Variants in CHST11 observed in about 807,000 individuals in gnomAD.
CHST11 encodes carbohydrate sulfotransferase 11, also known as C4S-1.
Under a neutral mutation model 30.4 loss-of-function variants are expected in CHST11, and 9 were observed. That is an observed-to-expected ratio of 0.30 (90% confidence interval 0.18 to 0.52). The LOEUF is 0.52. Ranked by LOEUF, CHST11 falls within the 20% of genes least tolerant of loss-of-function variation. CHST11 has a pLI of 0.97. For missense variants in CHST11, 348 were observed against 460.6 expected (o/e 0.76, Z 2.24); for synonymous variants, 152 against 187.8 (o/e 0.81, Z 1.56).
intron 2 of CHST11, among the ~76,000 whole-genome samples, chr12:104,694,767 T>C (rs984715669): frequency 2.0e-5 from 3 of 152,190 alleles, no homozygotes; most frequent in Admixed American, 2.0e-4. Context: ...CTGTTCGTGA[T>C]GGGAGAGTGA....
chr12:104,531,465 C>CAAAAA (rs1439489189), intron 1 of CHST11, among the ~76,000 whole-genome samples: 1,523 of 119,778 alleles, frequency 0.013, 49 homozygotes, highest in African/African-American at 0.047. Context: ...ATCCTGTGTC[C>CAAAAA]AAAAAAAAAA....
At chr12:104,548,609 G>A (rs1027365768) in intron 1 of CHST11, among the ~76,000 whole-genome samples, 7 of 152,122 alleles carry the variant, frequency 4.6e-5, no homozygotes, top group African/African-American at 1.7e-4. Flanking sequence ...AGGTTCTTCC[G>A]GTCCCTCCTA....
chr12:104,682,327 G>A (rs551073341), intron 2 of CHST11, among the ~76,000 whole-genome samples: 8 of 152,278 alleles, frequency 5.3e-5, no homozygotes, highest in South Asian at 2.1e-4. Context: ...TGAGCATGCC[G>A]TTGAGGAATA....
chr12:104,728,153 C>T (rs1193918039), intron 2 of CHST11, among the ~76,000 whole-genome samples: 3 of 152,118 alleles, frequency 2.0e-5, no homozygotes, highest in African/African-American at 7.2e-5. Flanking sequence ...TCATGGGCTG[C>T]GGCTTTAATT....
At chr12:104,545,390 A>G (rs2061198905) in intron 1 of CHST11, among the ~76,000 whole-genome samples, 1 of 152,190 alleles carries the variant, frequency 6.6e-6, no homozygotes, top group Admixed American at 6.5e-5. Flanking sequence ...TCCCTTGTGG[A>G]GCCTGTCCAG....
intron 2 of CHST11, among the ~76,000 whole-genome samples, chr12:104,621,901 G>C (rs751800997): frequency 5.3e-5 from 8 of 152,238 alleles, no homozygotes; most frequent in Non-Finnish European, 1.0e-4. Context: ...GAGAGGCCAG[G>C]TCTGTGACAT....
At chr12:104,508,571 G>A (rs2037931452) in intron 1 of CHST11, among the ~76,000 whole-genome samples, 2 of 152,198 alleles carry the variant, frequency 1.3e-5, no homozygotes, top group African/African-American at 2.4e-5. Flanking sequence ...ACCTTGAGAT[G>A]TGTCAGAAAT....
intron 2 of CHST11, among the ~76,000 whole-genome samples, chr12:104,669,933 T>A (rs538816516): frequency 1.8e-4 from 27 of 152,390 alleles, no homozygotes; most frequent in African/African-American, 5.0e-4. Context: ...AGAACTGAGT[T>A]GATGCATATC....
intron 2 of CHST11, among the ~76,000 whole-genome samples, chr12:104,738,487 G>A (rs963145304): frequency 1.3e-5 from 2 of 152,224 alleles, no homozygotes; most frequent in African/African-American, 4.8e-5. Context: ...TAAAAGCAGT[G>A]AACATGAACT....
intron 2 of CHST11, among the ~76,000 whole-genome samples, chr12:104,625,126 C>T (rs1032926625): frequency 7.2e-5 from 11 of 152,218 alleles, no homozygotes; most frequent in African/African-American, 2.2e-4. Flanking sequence ...GGTTATTAGG[C>T]CTGATCTTGT....
chr12:104,741,267 G>T (rs1428110344), intron 2 of CHST11, among the ~76,000 whole-genome samples: 1 of 152,192 alleles, frequency 6.6e-6, no homozygotes, highest in Non-Finnish European at 1.5e-5. Context: ...ACTGGGGAGA[G>T]AACGAGGGTG....
intron 2 of CHST11, among the ~76,000 whole-genome samples, chr12:104,664,628 A>G (rs1170991286): frequency 2.6e-5 from 4 of 152,196 alleles, no homozygotes; most frequent in East Asian, 1.9e-4. Context: ...GTAAAATGTT[A>G]CAAGTGCAGA....
At chr12:104,568,749 C>A (rs118162885) in intron 1 of CHST11, among the ~76,000 whole-genome samples, 1 of 152,066 alleles carries the variant, frequency 6.6e-6, no homozygotes, top group East Asian at 1.9e-4. Flanking sequence ...AGTAACTTGA[C>A]CAAATTAACA....
Position 104,757,488 on chromosome 12 carries a change from C to T in CHST11, c.744C>T (p.His248=), listed in dbSNP as rs777984705. ...EEFVAYLIDP[H]TQREEPFNEH... ...TTGTGGCCTATCTCATCGACCCACA[C>T]ACCCAGCGGGAGGAGCCTTTCAACG... Residue 248 remains histidine, a synonymous_variant, in exon 3 of 3, where the codon CAC becomes CAT. Transcript: ENST00000303694. The surrounding 1 kb of genome is among the most constrained non-coding windows in gnomAD (Gnocchi z 6.5). 6.8e-6 allele frequency: 11 copies of T among 1,614,044 alleles called. No homozygotes were observed. The highest frequency in any genetic ancestry group is 5.0e-5 in the Admixed American group (3 of 60,012).
chr12:104,640,350 G>T (rs899871971), intron 2 of CHST11, among the ~76,000 whole-genome samples: 1 of 152,132 alleles, frequency 6.6e-6, no homozygotes, highest in Non-Finnish European at 1.5e-5. Flanking sequence ...CAGGTGAAGG[G>T]ATAAACACAC....
chr12:104,469,030 T>C (rs1296700719), intron 1 of CHST11, among the ~76,000 whole-genome samples: 2 of 152,250 alleles, frequency 1.3e-5, no homozygotes, highest in African/African-American at 2.4e-5. Flanking sequence ...GTTGTTATGA[T>C]AAATTACCTG....
chr12:104,689,605 G>A (rs143376312), intron 2 of CHST11, among the ~76,000 whole-genome samples: 10 of 152,324 alleles, frequency 6.6e-5, no homozygotes, highest in African/African-American at 2.4e-4. Flanking sequence ...GGTAGATGCT[G>A]CCTTATACCA....
At chr12:104,496,698 C>T (rs1459749424) in intron 1 of CHST11, among the ~76,000 whole-genome samples, 1 of 151,900 alleles carries the variant, frequency 6.6e-6, no homozygotes, top group Admixed American at 6.6e-5. Context: ...AAGTCTCTGT[C>T]AAGAGCTCAA....
chr12:104,491,408 G>T (rs761462423), intron 1 of CHST11, among the ~76,000 whole-genome samples: 9 of 152,100 alleles, frequency 5.9e-5, no homozygotes, highest in Non-Finnish European at 1.3e-4. Flanking sequence ...CAGTCTGAAT[G>T]AGATTTTCAG....
Sources: gnomAD v4.1 joint callset for allele counts (sites outside exome capture counted in the v4.1 genomes callset) on GRCh38, gnomAD v4.1.1 for gene constraint, Gnocchi (gnomAD v3.1) non-coding constraint, MANE v1.5 for transcripts, NCBI Gene and HGNC (gene_info 2026-07-23, HGNC 2026-07-21) for gene names.